The following MCF2L2 variants were observed in gnomAD, a reference collection of about 807,000 sequenced individuals.
The protein encoded by MCF2L2 is MCF.2 cell line derived transforming sequence-like 2, also known as probable guanine nucleotide exchange factor MCF2L2.
Under a neutral mutation model 150.2 loss-of-function variants are expected in MCF2L2, and 102 were observed. The observed-to-expected ratio is 0.68, with a 90% CI of 0.58 to 0.80. The LOEUF (loss-of-function observed/expected upper bound fraction) is 0.80, where lower values mean the gene tolerates loss of function less well. MCF2L2 is among the 30% of genes least tolerant of loss of function. The pLI is 0.00. For missense variants in MCF2L2, 1,256 were observed against 1,372.8 expected, an observed-to-expected ratio of 0.91 and a Z score of 1.34; for synonymous variants, 465 against 491.3, an observed-to-expected ratio of 0.95 and a Z score of 0.71.
At chr3:183,191,676 T>C (rs1708203157) in intron 27 of MCF2L2, among the ~76,000 whole-genome samples, 1 of 152,222 alleles carries the variant, frequency 6.6e-6, no homozygotes, top group Admixed American at 6.5e-5. Context: ...TGATTCCTTC[T>C]TACCATAGAT....
intron 15 of MCF2L2, among the ~76,000 whole-genome samples, chr3:183,232,716 ATGGATATGAGACTCG>A (rs1481477819): frequency 6.6e-6 from 1 of 152,228 alleles, no homozygotes; most frequent in Non-Finnish European, 1.5e-5. Flanking sequence ...AAATATTCAA[ATGGATATGAGACTCG>A]TGGAAAAAAT....
intron 17 of MCF2L2, 99 bp from the exon 18 acceptor site, chr3:183,228,465 G>A: frequency 1.3e-6 from 1 of 759,760 alleles, no homozygotes; most frequent in Non-Finnish European, 2.2e-6. Context: ...GAGGTGCCTA[G>A]AAAAATGTTC....
rs1296162708 is a variant in MCF2L2, at chr3:183,179,275, C to T, written c.*105G>A. 1.5e-6 allele frequency: 2 copies of T among 1,340,160 alleles called. No homozygotes were observed. Among genetic ancestry groups the T allele is most frequent in the Non-Finnish European group, 1.9e-6 (2 of 1,048,028 alleles). 83.0% of individuals were successfully genotyped at this position (1,340,160 alleles called of 1,614,324 possible). On this transcript the variant is annotated 3_prime_UTR_variant, in exon 30 of 30. Transcript: ENST00000328913. This position sits in a 1 kb window ranked among gnomAD's most constrained non-coding sequence, Gnocchi z 4.2. ...TGTCCCCTTTCTGCCGCCGCCGAGG[C>T]TCCGGCTGCTTTCTGCGTAGCTGGG...
chr3:183,206,065 A>G, intron 24 of MCF2L2, 57 bp downstream of exon 24: 1 of 1,574,458 alleles, frequency 6.4e-7, no homozygotes, highest in Non-Finnish European at 8.7e-7. Context: ...TTGTCAAGTC[A>G]TGGGAACACA....
chr3:183,418,324 A>T (rs1274115596), intron 1 of MCF2L2, among the ~76,000 whole-genome samples: 1 of 152,236 alleles, frequency 6.6e-6, no homozygotes, highest in Non-Finnish European at 1.5e-5. Context: ...GGGGACTCCA[A>T]TTCAAGATGA....
At chr3:183,271,069 GTTTC>G (rs1417871189) in intron 15 of MCF2L2, 71 of 791,946 alleles carry the variant, frequency 9.0e-5, no homozygotes, top group Middle Eastern at 3.7e-4. Flanking sequence ...CCATCAGAAT[GTTTC>G]TTTGATTCTA....
intron 1 of MCF2L2, among the ~76,000 whole-genome samples, chr3:183,418,119 C>A (rs1432338329): frequency 3.3e-5 from 5 of 152,094 alleles, no homozygotes; most frequent in African/African-American, 1.2e-4. Context: ...ACCCAGGAGG[C>A]AGAGGTTGCA....
intron 15 of MCF2L2, among the ~76,000 whole-genome samples, chr3:183,265,754 A>AT (rs898603265): frequency 6.6e-6 from 1 of 152,238 alleles, no homozygotes; most frequent in Non-Finnish European, 1.5e-5. Flanking sequence ...TCCCCTTATC[A>AT]TTCAAGTATT....
At position 183,219,883 on chromosome 3, in the gene MCF2L2, G is replaced by A; in HGVS notation, c.2343C>T (p.Asp781=). 6.2e-7 allele frequency: 1 copy of A among 1,613,238 alleles called. No individual in the cohort carries two copies. Among genetic ancestry groups the A allele is most frequent in the Admixed American group, 1.7e-5 (1 of 60,008 alleles). ...TAGCCGAGCCTCCTAGTTCACCTGGGTCTATCTCCATATCTTCAGGAGACT... is the reference window on the plus strand; with the variant it reads ...TAGCCGAGCCTCCTAGTTCACCTGGATCTATCTCCATATCTTCAGGAGACT... The part of the protein sequence containing the change: ...DFESPEDMEI[D]PGELGGSAKD... The change falls in exon 21 of 30, where the codon GAC becomes GAT. Residue 781 remains aspartate (D), a synonymous_variant. Transcript: ENST00000328913.
chr3:183,198,717 A>T (rs1235446165), intron 25 of MCF2L2, among the ~76,000 whole-genome samples: 1 of 152,202 alleles, frequency 6.6e-6, no homozygotes, highest in East Asian at 1.9e-4. Flanking sequence ...GAACCTAGAA[A>T]TCTGCATTTG....
intron 12 of MCF2L2, 192 bp downstream of exon 12, chr3:183,296,784 C>T: frequency 1.8e-6 from 1 of 565,976 alleles, no homozygotes; most frequent in Non-Finnish European, 3.1e-6. Flanking sequence ...TGATTTGAGT[C>T]AGACGAAGAC....
Position 183,270,208 on chromosome 3 carries a change from T to C in MCF2L2, c.1862+6664A>G. 1 of 1,614,190 alleles carries C rather than the reference T, an allele frequency of 6.2e-7. No individual in the cohort carries two copies. The highest frequency in any genetic ancestry group is 8.5e-7 in the Non-Finnish European group (1 of 1,180,014). ...TTTGCCTTAGGAACTCCTAATCCAC[T>C]GGAGGGAGAAGAACTACAAAGAAAA... On this transcript the variant is annotated intron_variant, in intron 15 of 29. Transcript: ENST00000328913. The surrounding 1 kb of genome is among the most constrained non-coding windows in gnomAD (Gnocchi z 4.5).
chr3:183,365,007 T>G (rs889800026), intron 3 of MCF2L2, among the ~76,000 whole-genome samples: 1 of 152,124 alleles, frequency 6.6e-6, no homozygotes, highest in Non-Finnish European at 1.5e-5. Context: ...ATACTACTTA[T>G]AAAGCAAGTG....
chr3:183,318,068 C>G lies in MCF2L2; in HGVS notation c.753G>C (p.Gln251His), dbSNP rs368482840. 3.1e-6 allele frequency: 5 copies of G among 1,613,578 alleles called. No homozygotes were observed. The highest frequency in any genetic ancestry group is 1.7e-5 in the Admixed American group (1 of 59,936). The change falls in exon 7 of 30, where the codon CAG becomes CAC. Residue 251 changes from glutamine to histidine, a missense_variant and splice_region_variant. By Grantham distance (24) the Gln-to-His change is conservative. Transcript: ENST00000328913. Reference protein sequence around the residue: ...MSHTRQRDKLQDELKLLGKQG... With the variant: ...MSHTRQRDKLHDELKLLGKQG... ...CTCTGAGAGGTCACTGACCGCTCAC[C>G]TGCAGCTTGTCCCGCTGCCTTGTGT... is the stretch of plus-strand genomic sequence containing the variant.
At chr3:183,404,033 A>T (rs1401672949) in intron 1 of MCF2L2, among the ~76,000 whole-genome samples, 1 of 152,218 alleles carries the variant, frequency 6.6e-6, no homozygotes, top group Non-Finnish European at 1.5e-5. Flanking sequence ...ATACAATTTT[A>T]AACCTTTTAT....
At chr3:183,212,188 G>T (rs1722756190) in intron 22 of MCF2L2, among the ~76,000 whole-genome samples, 1 of 152,184 alleles carries the variant, frequency 6.6e-6, no homozygotes, top group Admixed American at 6.5e-5. Flanking sequence ...GCCCTCAGAG[G>T]GAACGTGGGC....
intron 21 of MCF2L2, among the ~76,000 whole-genome samples, chr3:183,218,387 G>C (rs1723021517): frequency 6.6e-6 from 1 of 152,206 alleles, no homozygotes; most frequent in African/African-American, 2.4e-5. Flanking sequence ...TGTAATCCCA[G>C]CACTTTGGGA....
chr3:183,282,304 G>A (rs534075726), intron 14 of MCF2L2, among the ~76,000 whole-genome samples: 12 of 151,810 alleles, frequency 7.9e-5, no homozygotes, highest in Non-Finnish European at 1.3e-4. Context: ...TCAGCCTCCC[G>A]AGTAGCTGGG....
At chr3:183,345,497 A>T (rs1335088822) in intron 3 of MCF2L2, among the ~76,000 whole-genome samples, 1 of 152,182 alleles carries the variant, frequency 6.6e-6, no homozygotes, top group Non-Finnish European at 1.5e-5. Flanking sequence ...CCCTAACATC[A>T]CAATTAAAAG....
Sources: allele counts gnomAD v4.1 joint callset (sites outside exome capture counted in the v4.1 genomes callset), GRCh38; gene constraint gnomAD v4.1.1; non-coding constraint Gnocchi (gnomAD v3.1); transcripts MANE v1.5; gene names NCBI Gene and HGNC (gene_info 2026-07-23, HGNC 2026-07-21).